Variants in GLDC observed in about 807,000 individuals in gnomAD.
The protein encoded by GLDC is glycine dehydrogenase (decarboxylating), mitochondrial.
GLDC carries 104 observed loss-of-function variants against 121.3 expected under a neutral mutation model. The ratio of observed to expected loss-of-function variants is 0.86; its 90% CI spans 0.73 to 1.01. GLDC has a LOEUF of 1.01. GLDC is among the 50% of genes least tolerant of loss of function. The probability of loss-of-function intolerance (pLI) is 0.00; values close to 1 mark genes in which losing one functional copy is unlikely to be tolerated. For missense variants in GLDC, 1,429 were observed against 1,306.6 expected (o/e 1.09, Z -1.44); for synonymous variants, 546 against 480.6 (o/e 1.14, Z -1.78).
At chr9:6,543,647 T>C (rs1817321719) in intron 21 of GLDC, among the ~76,000 whole-genome samples, 1 of 152,198 alleles carries the variant, frequency 6.6e-6, no homozygotes, top group Admixed American at 6.5e-5. Context: ...TCTCTCCATC[T>C]CTATGTGAGC....
At chr9:6,534,627 T>G (rs1037798187) in intron 24 of GLDC, 81 bp downstream of exon 24, 3 of 760,556 alleles carry the variant, frequency 3.9e-6, no homozygotes, top group African/African-American at 1.7e-5. Flanking sequence ...TCTGTAATCA[T>G]GAGGCTAAGA....
In GLDC at chr9:6,605,200, G is replaced by C. The variant is rs1554648121; in HGVS notation, c.792C>G (p.Phe264Leu). The stretch of plus-strand genomic sequence containing the variant: ...CCTTCCCCTCCGTGTCTGGGTACTG[G>C]AACAACACTCCACTGACATCTTTTC... ...FSGKDVSGVL[F>L]QYPDTEGKVE... Residue 264 changes from phenylalanine (F) to leucine (L), a missense_variant, in exon 6 of 25, where the codon TTC becomes TTG. Coordinates refer to ENST00000321612, the MANE Select transcript of GLDC (RefSeq NM_000170.3). 3.1e-6 allele frequency: 5 copies of C among 1,613,576 alleles called. No homozygotes were observed. The East Asian group carries it at 8.9e-5, about 29-fold the overall frequency.
In GLDC at chr9:6,549,824, T is replaced by C. The variant is rs189628164; in HGVS notation, c.2569+979A>G. Among the ~76,000 whole-genome samples the C allele has an allele frequency of 2.5e-3, 384 of 152,192 alleles. 3 individuals carry two copies. Among genetic ancestry groups the C allele is most frequent in the African/African-American group, 9.0e-3 (372 of 41,518 alleles). On this transcript the variant is annotated intron_variant, in intron 21 of 24. Coordinates refer to ENST00000321612, the MANE Select transcript of GLDC (RefSeq NM_000170.3). Reference sequence around the variant, plus strand: ...CCAGCCCCTTGCTACCTCTAAGGCATGTTTCCCCCTTGCCGCCGTCTTAAT... The same window carrying C: ...CCAGCCCCTTGCTACCTCTAAGGCACGTTTCCCCCTTGCCGCCGTCTTAAT...
At position 6,532,749 on chromosome 9, in the gene GLDC, A is replaced by C. The variant is rs1817025801; in HGVS notation, c.*268T>G. 1 of 448,798 alleles carries C rather than the reference A, an allele frequency of 2.2e-6. No individual in the cohort carries two copies. The highest frequency in any genetic ancestry group is 2.0e-5 in the African/African-American group (1 of 50,368). The allele number at this position is 448,798 out of a possible 1,614,324, so 27.8% of individuals were successfully genotyped here. A position where few individuals can be genotyped will look rare whatever the true frequency, so the allele number is the denominator to read the frequency against. ...TGCCACATTAAAAGTTAAAGTTCCTAAAACTTTCTACGCAAAACACAAAAT... is the reference window on the plus strand; with the variant it reads ...TGCCACATTAAAAGTTAAAGTTCCTCAAACTTTCTACGCAAAACACAAAAT... On this transcript the variant is annotated 3_prime_UTR_variant, in exon 25 of 25. Coordinates refer to ENST00000321612, the MANE Select transcript of GLDC (RefSeq NM_000170.3).
At chr9:6,630,318 C>T (rs1208081655) in intron 2 of GLDC, among the ~76,000 whole-genome samples, 1 of 151,946 alleles carries the variant, frequency 6.6e-6, no homozygotes, top group Non-Finnish European at 1.5e-5. Flanking sequence ...AGAATGAAAT[C>T]CTCCTTGTAA....
chr9:6,604,587 C>G lies in GLDC; in HGVS notation c.1058+1G>C. On this transcript the variant is annotated splice_donor_variant, in intron 7 of 24. Transcript: ENST00000321612. LOFTEE classifies it high-confidence loss of function. Reference sequence around the variant, plus strand: ...AAGTAGAGAAACATGAGCCCCTTTACCTTGTTACCCCCACCATTCTTCCAG... The same window carrying G: ...AAGTAGAGAAACATGAGCCCCTTTAGCTTGTTACCCCCACCATTCTTCCAG... 1 of 1,610,964 alleles carries G rather than the reference C, an allele frequency of 6.2e-7. No individual in the cohort carries two copies. Among genetic ancestry groups the G allele is most frequent in the Non-Finnish European group, 8.5e-7 (1 of 1,178,726 alleles).
At chr9:6,607,799 G>T (rs956299676) in intron 4 of GLDC, among the ~76,000 whole-genome samples, 12 of 151,360 alleles carry the variant, frequency 7.9e-5, no homozygotes. Context: ...ACGGGCATGT[G>T]CCACCATGCC....
At chr9:6,604,097 T>C (rs1818681518) in intron 7 of GLDC, among the ~76,000 whole-genome samples, 1 of 152,082 alleles carries the variant, frequency 6.6e-6, no homozygotes, top group African/African-American at 2.4e-5. Flanking sequence ...GTTTTTAATC[T>C]GAGAAGTTTC....
chr9:6,556,440 A>T, intron 17 of GLDC, 138 bp from the exon 18 acceptor site: 1 of 701,858 alleles, frequency 1.4e-6, no homozygotes. Context: ...TCAAAGTACA[A>T]TGACAGCAAT....
chr9:6,591,455 A>G (rs375383221), intron 11 of GLDC, among the ~76,000 whole-genome samples: 3 of 152,354 alleles, frequency 2.0e-5, no homozygotes, highest in African/African-American at 7.2e-5. Flanking sequence ...CTGTGTCTTC[A>G]GGGCCTAGCA....
chr9:6,533,629 C>G (rs1007310032), intron 24 of GLDC, among the ~76,000 whole-genome samples: 1 of 151,788 alleles, frequency 6.6e-6, no homozygotes, highest in African/African-American at 2.4e-5. Context: ...GAGGCCAAGG[C>G]AGGCAGATCA....
chr9:6,611,811 G>T (rs1187874321), intron 3 of GLDC, among the ~76,000 whole-genome samples: 1 of 152,064 alleles, frequency 6.6e-6, no homozygotes, highest in African/African-American at 2.4e-5. Context: ...TTATCAGATG[G>T]ACTAGATTGT....
chr9:6,633,093 C>T (rs1025509867), intron 2 of GLDC, among the ~76,000 whole-genome samples: 1 of 152,134 alleles, frequency 6.6e-6, no homozygotes, highest in African/African-American at 2.4e-5. Context: ...GCAGAGAGAT[C>T]GTCAGAAATG....
At chr9:6,631,689 C>G (rs564369609) in intron 2 of GLDC, among the ~76,000 whole-genome samples, 2 of 152,274 alleles carry the variant, frequency 1.3e-5, no homozygotes, top group Admixed American at 1.3e-4. Context: ...GCCTACAGAG[C>G]AAGAACAAGA....
chr9:6,627,262 C>T (rs1260576597), intron 2 of GLDC, among the ~76,000 whole-genome samples: 1 of 141,196 alleles, frequency 7.1e-6, no homozygotes, highest in Non-Finnish European at 1.5e-5. Flanking sequence ...CGCCACTGCA[C>T]TCCAGCCTGG....
intron 2 of GLDC, among the ~76,000 whole-genome samples, chr9:6,644,239 C>T (rs572574944): frequency 6.6e-6 from 1 of 151,906 alleles, no homozygotes; most frequent in East Asian, 1.9e-4. Flanking sequence ...TAGGCAATTC[C>T]TAGATCCTTT....
At chr9:6,573,592 C>T (rs1005240739) in intron 15 of GLDC, among the ~76,000 whole-genome samples, 1 of 152,056 alleles carries the variant, frequency 6.6e-6, no homozygotes. Context: ...TGTCACCCCC[C>T]AGAAGGAAAT....
At chr9:6,606,467 AT>A in intron 5 of GLDC, 124 bp downstream of exon 5, 1 of 756,456 alleles carries the variant, frequency 1.3e-6, no homozygotes, top group Non-Finnish European at 2.4e-6. Context: ...AGCAACCCCA[AT>A]TTAAACAGCA....
chr9:6,547,721 T>C (rs573455267), intron 21 of GLDC, among the ~76,000 whole-genome samples: 149 of 152,210 alleles, frequency 9.8e-4, no homozygotes, highest in African/African-American at 3.3e-3. Context: ...AGAAAAACTA[T>C]ACAATTGGTT....
Sources: gnomAD v4.1 joint callset for allele counts (sites outside exome capture counted in the v4.1 genomes callset) on GRCh38, gnomAD v4.1.1 for gene constraint, MANE v1.5 for transcripts, NCBI Gene and HGNC (gene_info 2026-07-23, HGNC 2026-07-21) for gene names.